CTNND2: variants seen among roughly 807,000 people sequenced by gnomAD.
CTNND2 encodes the protein catenin delta-2.
CTNND2 carries 22 observed loss-of-function variants against 144.4 expected under a neutral mutation model. The observed-to-expected ratio is 0.15, with a 90% confidence interval of 0.11 to 0.22. The LOEUF (loss-of-function observed/expected upper bound fraction) is 0.22, where lower values mean the gene tolerates loss of function less well. Ranked by LOEUF, CTNND2 falls within the 10% of genes least tolerant of loss-of-function variation. The pLI, the probability that CTNND2 is intolerant of heterozygous loss-of-function variation, is 1.00. For synonymous variants in CTNND2, 751 were observed against 695.6 expected (o/e 1.08, Z -1.25); for missense variants, 1,353 against 1,618.8 (o/e 0.84, Z 2.82).
chr5:11,714,215 C>T (rs534239854), intron 2 of CTNND2, among the ~76,000 whole-genome samples: 2 of 152,152 alleles, frequency 1.3e-5, no homozygotes, highest in Admixed American at 6.5e-5. Flanking sequence ...AAGGGAAACC[C>T]TATCAGAAAC....
At chr5:11,341,836 C>G (rs1245755537) in intron 9 of CTNND2, among the ~76,000 whole-genome samples, 1 of 152,014 alleles carries the variant, frequency 6.6e-6, no homozygotes, top group Non-Finnish European at 1.5e-5. Flanking sequence ...AGCAAGACCC[C>G]TTCTCTAAAA....
intron 9 of CTNND2, among the ~76,000 whole-genome samples, chr5:11,300,885 G>A (rs1749530326): frequency 1.3e-5 from 2 of 152,168 alleles, no homozygotes; most frequent in Admixed American, 6.5e-5. Context: ...ACACGGGCCT[G>A]CAGCACAACC....
intron 2 of CTNND2, among the ~76,000 whole-genome samples, chr5:11,728,279 C>T (rs898086541): frequency 1.3e-5 from 2 of 151,056 alleles, no homozygotes; most frequent in African/African-American, 4.9e-5. Flanking sequence ...GAGACCAGCT[C>T]GACCAACATG....
chr5:11,892,537 T>G (rs1203994297), intron 1 of CTNND2, among the ~76,000 whole-genome samples: 1 of 152,092 alleles, frequency 6.6e-6, no homozygotes, highest in Admixed American at 6.6e-5. Flanking sequence ...AGAAATATTT[T>G]CCCTCATAAT....
chr5:11,026,356 CTTTT>C (rs67196223), intron 16 of CTNND2, among the ~76,000 whole-genome samples: 3 of 117,042 alleles, frequency 2.6e-5, no homozygotes, highest in African/African-American at 9.4e-5. Flanking sequence ...CCTTCTTCTT[CTTTT>C]TTTTTTTTTT....
At chr5:11,823,558 T>C (rs1327371766) in intron 1 of CTNND2, among the ~76,000 whole-genome samples, 2 of 152,174 alleles carry the variant, frequency 1.3e-5, no homozygotes, top group East Asian at 3.8e-4. Flanking sequence ...AACTTTCAGA[T>C]TTTTAGCTGT....
At chr5:11,448,722 G>A (rs1444601180) in intron 3 of CTNND2, among the ~76,000 whole-genome samples, 2 of 152,144 alleles carry the variant, frequency 1.3e-5, no homozygotes, top group East Asian at 3.8e-4. Context: ...AGGGTGGAGT[G>A]CAATGGTGTG....
At chr5:11,075,255 T>C (rs967651977) in intron 16 of CTNND2, among the ~76,000 whole-genome samples, 2 of 152,122 alleles carry the variant, frequency 1.3e-5, no homozygotes, top group African/African-American at 4.8e-5. Flanking sequence ...TCAGATCCCA[T>C]CTTGTGCTCC....
intron 12 of CTNND2, among the ~76,000 whole-genome samples, chr5:11,139,616 C>A (rs1022685654): frequency 6.6e-6 from 1 of 152,210 alleles, no homozygotes; most frequent in African/African-American, 2.4e-5. Context: ...GCCAGCTGCT[C>A]GTGCAGCTCT....
rs187409286 is a variant in CTNND2 at position 11,743,468 on chromosome 5, G to A, written c.38-11196C>T. ...AAGTGGCTTCCAAGGTAGAATCGTC[G>A]ATCAAGTAGGCTTCCAGAACCTGAT... On this transcript the variant is annotated intron_variant, in intron 1 of 21. Coordinates refer to ENST00000304623, the MANE Select transcript of CTNND2 (RefSeq NM_001332.4). 7.0e-4 allele frequency among the ~76,000 whole-genome samples: 106 copies of A among 152,266 alleles called. 2 individuals carry two copies. The East Asian group carries it at 9.7e-3, about 14-fold the overall frequency.
intron 3 of CTNND2, among the ~76,000 whole-genome samples, chr5:11,535,005 G>A (rs1334497926): frequency 1.1e-4 from 16 of 152,134 alleles, no homozygotes; most frequent in Non-Finnish European, 4.4e-5. Flanking sequence ...TGGCCAACAT[G>A]ACGAAACACG....
intron 16 of CTNND2, among the ~76,000 whole-genome samples, chr5:11,045,950 G>A (rs868259096): frequency 8.6e-5 from 13 of 152,012 alleles, no homozygotes; most frequent in Middle Eastern, 3.2e-3. Context: ...CTCCTTGGTG[G>A]TTTTAACCAG....
intron 11 of CTNND2, among the ~76,000 whole-genome samples, chr5:11,173,024 A>G (rs80169185): frequency 2.7e-3 from 411 of 152,322 alleles, no homozygotes; most frequent in Non-Finnish European, 4.9e-3. Flanking sequence ...CTGATGTTCA[A>G]TGATCAAATT....
chr5:11,447,171 C>T (rs1173426851), intron 3 of CTNND2, among the ~76,000 whole-genome samples: 4 of 152,042 alleles, frequency 2.6e-5, no homozygotes, highest in African/African-American at 9.7e-5. Context: ...TGGTGAAACC[C>T]CATCTCTACA....
intron 12 of CTNND2, among the ~76,000 whole-genome samples, chr5:11,135,977 T>C (rs1184268407): frequency 6.6e-6 from 1 of 152,208 alleles, no homozygotes; most frequent in Non-Finnish European, 1.5e-5. Flanking sequence ...AAAATTTATA[T>C]GTTGAAACCT....
At chr5:11,183,372 C>A (rs1378044775) in intron 11 of CTNND2, among the ~76,000 whole-genome samples, 3 of 152,140 alleles carry the variant, frequency 2.0e-5, no homozygotes, top group East Asian at 1.9e-4. Flanking sequence ...GCCCCTCCAC[C>A]CATACGTGTC....
intron 8 of CTNND2, among the ~76,000 whole-genome samples, chr5:11,347,088 T>A (rs1458849106): frequency 2.0e-5 from 3 of 152,122 alleles, no homozygotes; most frequent in African/African-American, 7.2e-5. Flanking sequence ...TTTTCTTGAA[T>A]CAAAGAAAAT....
At chr5:11,853,696 T>C (rs1226086758) in intron 1 of CTNND2, among the ~76,000 whole-genome samples, 2 of 152,144 alleles carry the variant, frequency 1.3e-5, no homozygotes, top group Non-Finnish European at 2.9e-5. Context: ...TTGGTGCCAA[T>C]TGCATCCCTA....
intron 10 of CTNND2, among the ~76,000 whole-genome samples, chr5:11,220,525 A>G (rs1739679871): frequency 6.6e-6 from 1 of 151,928 alleles, no homozygotes. Flanking sequence ...GCTCCTTTTC[A>G]TTTGTCTCCA....
Sources: gnomAD v4.1 joint callset for allele counts (sites outside exome capture counted in the v4.1 genomes callset) on GRCh38, gnomAD v4.1.1 for gene constraint, MANE v1.5 for transcripts, NCBI Gene and HGNC (gene_info 2026-07-23, HGNC 2026-07-21) for gene names.